NPR3: variants seen among roughly 807,000 people sequenced by gnomAD.
The protein encoded by NPR3 is atrial natriuretic peptide receptor 3.
In NPR3, 34 loss-of-function variants were observed where a neutral mutation model predicts 54.5. The ratio of observed to expected loss-of-function variants is 0.62; its 90% CI spans 0.47 to 0.83. The LOEUF (loss-of-function observed/expected upper bound fraction) is 0.83. Among genes scored for constraint, NPR3 ranks in the 40% least tolerant of loss-of-function variants. NPR3 has a pLI of 0.00. For synonymous variants in NPR3, 289 were observed against 297.1 expected (o/e 0.97, Z 0.28); for missense variants, 674 against 720.8 (o/e 0.94, Z 0.74).
rs779442645 is a variant in NPR3 at position 32,724,730 on chromosome 5, C to A, written c.802C>A (p.Arg268=). ...VIMCASSDTI[R]SIMLVAHRHG... is the part of the protein sequence containing the mutation. Reference sequence around the variant, plus strand: ...CATGTGTGCGAGCAGTGACACCATCCGGAGCATCATGCTGGTGGCGCACAG... The same window carrying A: ...CATGTGTGCGAGCAGTGACACCATCAGGAGCATCATGCTGGTGGCGCACAG... The change falls in exon 2 of 8, where the codon CGG becomes AGG. Residue 268 remains arginine, a synonymous_variant. Coordinates refer to ENST00000265074, the MANE Select transcript of NPR3 (RefSeq NM_001204375.2). 1.9e-6 allele frequency: 3 copies of A among 1,613,790 alleles called. No homozygotes were observed. Among genetic ancestry groups the A allele is most frequent in the South Asian group, 2.2e-5 (2 of 91,084 alleles).
At chr5:32,701,632 C>A (rs544082028) in intron 1 of NPR3, among the ~76,000 whole-genome samples, 2 of 152,280 alleles carry the variant, frequency 1.3e-5, no homozygotes, top group South Asian at 4.1e-4. Context: ...GCAGTCTGGG[C>A]TTCTTTACAC....
intron 3 of NPR3, among the ~76,000 whole-genome samples, chr5:32,754,241 C>T (rs899911002): frequency 2.0e-5 from 3 of 152,106 alleles, no homozygotes; most frequent in Non-Finnish European, 2.9e-5. Flanking sequence ...TTAAAACAAT[C>T]GATGACCCAA....
intron 2 of NPR3, among the ~76,000 whole-genome samples, chr5:32,734,518 G>C (rs977185321): frequency 1.5e-4 from 23 of 152,138 alleles, no homozygotes; most frequent in African/African-American, 5.6e-4. Flanking sequence ...TAAATATTCT[G>C]TACCCAGTGC....
chr5:32,768,757 A>G (rs1453889540), intron 3 of NPR3, among the ~76,000 whole-genome samples: 2 of 152,250 alleles, frequency 1.3e-5, no homozygotes, highest in African/African-American at 4.8e-5. Flanking sequence ...TTGCCAGCCC[A>G]GTGCATTGCT....
At position 32,789,143 on chromosome 5, in the gene NPR3, A is replaced by G. The variant is rs1742776810; in HGVS notation, c.*2798A>G. On this transcript the variant is annotated 3_prime_UTR_variant, in exon 8 of 8. Coordinates refer to ENST00000265074, the MANE Select transcript of NPR3 (RefSeq NM_001204375.2). The stretch of plus-strand genomic sequence containing the variant: ...TTACCCTGAAATCCAGGGTGTTCAG[A>G]TTTCAAAAAGGATAATTTATCAGTA... The G allele has an allele frequency of 1.5e-5, 3 of 202,252 alleles. No individual in the cohort carries two copies. The highest frequency in any genetic ancestry group is 3.1e-5 in the Non-Finnish European group (3 of 98,118). The allele number at this position is 202,252 out of a possible 1,614,324, so 12.5% of individuals were successfully genotyped here.
At chr5:32,703,189 A>C (rs1008838928) in intron 1 of NPR3, among the ~76,000 whole-genome samples, 4 of 152,096 alleles carry the variant, frequency 2.6e-5, no homozygotes, top group Non-Finnish European at 5.9e-5. Context: ...GCTTGTCATA[A>C]ATGCTGGGCC....
At chr5:32,747,797 C>T (rs1484052083) in intron 3 of NPR3, among the ~76,000 whole-genome samples, 2 of 151,170 alleles carry the variant, frequency 1.3e-5, no homozygotes, top group African/African-American at 2.4e-5. Context: ...ACTCTGTCAC[C>T]CAGGCTGGAG....
At chr5:32,706,340 A>C (rs1190516943), upstream of NPR3, among the ~76,000 whole-genome samples, 4 of 152,268 alleles carry the variant, frequency 2.6e-5, no homozygotes, top group East Asian at 7.7e-4. Context: ...TTATTTCCTT[A>C]TTTCAATGCA....
intron 3 of NPR3, among the ~76,000 whole-genome samples, chr5:32,740,608 G>GAA (rs143192275): frequency 1.3e-4 from 19 of 144,474 alleles, no homozygotes; most frequent in African/African-American, 4.0e-4. Flanking sequence ...TTGAAAAAGT[G>GAA]AAAAAAAAAA....
At chr5:32,761,907 A>G (rs1340844983) in intron 3 of NPR3, among the ~76,000 whole-genome samples, 1 of 151,998 alleles carries the variant, frequency 6.6e-6, no homozygotes, top group Non-Finnish European at 1.5e-5. Context: ...CCTGTCATCT[A>G]CATTAGGTAT....
chr5:32,771,646 G>A (rs1561125927), intron 3 of NPR3, among the ~76,000 whole-genome samples: 1 of 152,144 alleles, frequency 6.6e-6, no homozygotes, highest in Non-Finnish European at 1.5e-5. Context: ...GGATGGGATG[G>A]AAGGAGGAGG....
intron 3 of NPR3, among the ~76,000 whole-genome samples, chr5:32,768,846 C>T (rs1741606680): frequency 1.3e-5 from 2 of 152,194 alleles, no homozygotes; most frequent in Admixed American, 1.3e-4. Flanking sequence ...TAAGTTCTAA[C>T]TTCAGTCGGG....
chr5:32,779,820 G>A (rs1742245227), intron 4 of NPR3, among the ~76,000 whole-genome samples: 2 of 152,124 alleles, frequency 1.3e-5, no homozygotes, highest in Non-Finnish European at 2.9e-5. Context: ...CAGTAATAAC[G>A]ACAGTAGATG....
Position 32,711,498 on chromosome 5 carries a change from C to CT in NPR3, c.-279_-278insT. 1 of 1,158,762 alleles carries CT rather than the reference C, an allele frequency of 8.6e-7. No individual in the cohort carries two copies. The allele number at this position is 1,158,762 out of a possible 1,614,324, so 71.8% of individuals were successfully genotyped here. A position where few individuals can be genotyped will look rare whatever the true frequency, so the allele number is the denominator to read the frequency against. On this transcript the variant is annotated 5_prime_UTR_variant, in exon 1 of 8. The change creates a premature stop within an existing upstream ORF in the 5' untranslated region. Transcript: ENST00000265074. ...TGTATAAACGGAGGGCGAATATATA[C>CT]AAGTATATATATATGTATATTACAG...
At position 32,789,110 on chromosome 5, in the gene NPR3, A is replaced by G. The variant is rs1014375883; in HGVS notation, c.*2765A>G. The G allele has an allele frequency of 7.9e-5, 15 of 190,578 alleles. No individual in the cohort carries two copies. Among genetic ancestry groups the G allele is most frequent in the Admixed American group, 2.1e-4 (4 of 18,742 alleles). 11.8% of individuals were successfully genotyped at this position (190,578 alleles called of 1,614,324 possible). On this transcript the variant is annotated 3_prime_UTR_variant, in exon 8 of 8. Transcript: ENST00000265074. ...AGGGCTTTAGTTCTTAAGTAATTCT[A>G]TAGGATTTTACCCTGAAATCCAGGG...
At chr5:32,745,757 G>T (rs575804352) in intron 3 of NPR3, among the ~76,000 whole-genome samples, 2 of 152,250 alleles carry the variant, frequency 1.3e-5, no homozygotes, top group Non-Finnish European at 2.9e-5. Flanking sequence ...TCAGACACTT[G>T]GCAAAGTCTG....
intron 4 of NPR3, among the ~76,000 whole-genome samples, chr5:32,775,787 G>A (rs138956503): frequency 1.3e-5 from 2 of 151,998 alleles, no homozygotes; most frequent in Non-Finnish European, 2.9e-5. Flanking sequence ...TAGTAGAGAT[G>A]GAGTTTCACC....
At chr5:32,731,927 T>C (rs1739469811) in intron 2 of NPR3, among the ~76,000 whole-genome samples, 1 of 152,048 alleles carries the variant, frequency 6.6e-6, no homozygotes, top group African/African-American at 2.4e-5. Context: ...GTTTTCCTGC[T>C]ACTCTCAATC....
chr5:32,697,086 C>G (rs1353093739), intron 1 of NPR3, among the ~76,000 whole-genome samples: 1 of 152,086 alleles, frequency 6.6e-6, no homozygotes, highest in Non-Finnish European at 1.5e-5. Context: ...CAGGTTTTCC[C>G]TATTCAGCAT....
Sources: allele counts gnomAD v4.1 joint callset (sites outside exome capture counted in the v4.1 genomes callset), GRCh38; gene constraint gnomAD v4.1.1; transcripts MANE v1.5; gene names NCBI Gene and HGNC (gene_info 2026-07-23, HGNC 2026-07-21).